The following DCAF17 variants were observed in gnomAD, a reference collection of about 807,000 sequenced individuals.
DCAF17 encodes the protein DDB1- and CUL4-associated factor 17.
DCAF17 carries 48 observed loss-of-function variants against 66.0 expected under a neutral mutation model. The observed-to-expected ratio is 0.73, with a 90% CI of 0.58 to 0.92. The LOEUF is 0.92. Ranked by LOEUF, DCAF17 falls within the 40% of genes least tolerant of loss-of-function variation. The probability of loss-of-function intolerance (pLI) is 0.00; values close to 1 mark genes in which losing one functional copy is unlikely to be tolerated. For missense variants in DCAF17, 562 were observed against 622.8 expected (o/e 0.90, Z 1.04); for synonymous variants, 206 against 214.6 (o/e 0.96, Z 0.35).
intron 9 of DCAF17, 36 bp downstream of exon 9, chr2:171,469,066 G>T (rs1184240094): frequency 1.9e-6 from 3 of 1,611,422 alleles, no homozygotes; most frequent in Non-Finnish European, 2.5e-6. Flanking sequence ...TAGCAAATTT[G>T]TATCAAGTTC....
In DCAF17 at chr2:171,456,297, G is replaced by A. The variant is rs763251767; in HGVS notation, c.628-1674G>A. Among the ~76,000 whole-genome samples, 5 of 152,056 alleles carry A rather than the reference G, an allele frequency of 3.3e-5. No homozygotes were observed. The South Asian group carries it at 6.2e-4, about 19-fold the overall frequency. ...ATTGCTTGTTTTTGTCAAGTTTGTCGAAGATCAGATAGTTACAGGTGTGCA... is the reference window on the plus strand; with the variant it reads ...ATTGCTTGTTTTTGTCAAGTTTGTCAAAGATCAGATAGTTACAGGTGTGCA... On this transcript the variant is annotated intron_variant, in intron 6 of 13. Transcript: ENST00000375255.
In DCAF17 at chr2:171,483,924, G is replaced by A. The variant is rs774736126; in HGVS notation, c.*2810G>A. The A allele has an allele frequency of 8.8e-6, 4 of 453,974 alleles. No homozygotes were observed. The highest frequency in any genetic ancestry group is 2.4e-5 in the Admixed American group (1 of 42,544). 28.1% of individuals were successfully genotyped at this position (453,974 alleles called of 1,614,324 possible). ...TCCTCCAAAGTTCTCAAAAGGCAAG[G>A]CATGTTATTTTATCCCAATTTAGCA... is the stretch of plus-strand genomic sequence containing the variant. On this transcript the variant is annotated 3_prime_UTR_variant, in exon 14 of 14. Transcript: ENST00000375255.
chr2:171,457,633 G>C (rs1559273380), intron 6 of DCAF17, among the ~76,000 whole-genome samples: 1 of 152,234 alleles, frequency 6.6e-6, no homozygotes, highest in African/African-American at 2.4e-5. Flanking sequence ...TATTCATTTA[G>C]AACGACATGG....
intron 9 of DCAF17, among the ~76,000 whole-genome samples, chr2:171,470,810 CA>C (rs1371642948): frequency 1.3e-5 from 2 of 152,118 alleles, no homozygotes; most frequent in African/African-American, 4.8e-5. Flanking sequence ...CAAACACACG[CA>C]CACGTACAGA....
At chr2:171,439,195 G>T (rs939550738) in intron 2 of DCAF17, among the ~76,000 whole-genome samples, 1 of 151,612 alleles carries the variant, frequency 6.6e-6, no homozygotes, top group African/African-American at 2.4e-5. Flanking sequence ...TCCCAGATTT[G>T]GGGCTTGGTA....
intron 8 of DCAF17, among the ~76,000 whole-genome samples, chr2:171,462,414 A>G (rs1329293150): frequency 6.6e-6 from 1 of 152,212 alleles, no homozygotes; most frequent in Non-Finnish European, 1.5e-5. Flanking sequence ...ATCAAAGGAT[A>G]TTGTTTAAAA....
At chr2:171,444,595 A>G (rs960179609) in intron 3 of DCAF17, among the ~76,000 whole-genome samples, 3 of 152,232 alleles carry the variant, frequency 2.0e-5, no homozygotes, top group Admixed American at 1.3e-4. Context: ...CAAATCTGAA[A>G]CACTTCTAGT....
At chr2:171,471,086 G>A (rs1019411751) in intron 9 of DCAF17, among the ~76,000 whole-genome samples, 1 of 152,134 alleles carries the variant, frequency 6.6e-6, no homozygotes, top group African/African-American at 2.4e-5. Context: ...TATCAAGCAT[G>A]CTTGTCACAT....
chr2:171,440,051 T>G (rs1694216580), intron 2 of DCAF17, among the ~76,000 whole-genome samples: 1 of 152,154 alleles, frequency 6.6e-6, no homozygotes, highest in South Asian at 2.1e-4. Flanking sequence ...AGCCCCAAAC[T>G]CCTGCACTCC....
chr2:171,452,563 C>G lies in DCAF17; in HGVS notation c.538-561C>G, dbSNP rs140723880. Among the ~76,000 whole-genome samples, 814 of 152,302 alleles carry G rather than the reference C, an allele frequency of 5.3e-3. 12 individuals carry two copies. The highest frequency in any genetic ancestry group is 0.019 in the African/African-American group (776 of 41,554). On this transcript the variant is annotated intron_variant, in intron 5 of 13. Coordinates refer to ENST00000375255, the MANE Select transcript of DCAF17 (RefSeq NM_025000.4). ...CAAACTCCCGGGCTGAAGTGCTCCT[C>G]TCACGTCACCCTCCTGAGTAGCTGG...
At chr2:171,462,158 AGT>A (rs1310216545) in intron 8 of DCAF17, among the ~76,000 whole-genome samples, 1 of 152,208 alleles carries the variant, frequency 6.6e-6, no homozygotes, top group East Asian at 1.9e-4. Context: ...TTTTTATCTC[AGT>A]GTGGGGAAGA....
intron 3 of DCAF17, 45 bp downstream of exon 3, chr2:171,443,658 C>G (rs1319215682): frequency 6.7e-7 from 1 of 1,484,564 alleles, no homozygotes; most frequent in African/African-American, 1.4e-5. Flanking sequence ...CATTTTTAGC[C>G]TAGAAGAACC....
intron 2 of DCAF17, among the ~76,000 whole-genome samples, chr2:171,436,809 T>A (rs919264200): frequency 6.6e-6 from 1 of 150,866 alleles, no homozygotes; most frequent in Non-Finnish European, 1.5e-5. Context: ...AGTTTTGCTC[T>A]TGTTGCCCAG....
chr2:171,454,840 T>G (rs1369295351), intron 6 of DCAF17, among the ~76,000 whole-genome samples: 1 of 151,458 alleles, frequency 6.6e-6, no homozygotes, highest in Non-Finnish European at 1.5e-5. Context: ...GATATTGCAG[T>G]GAGCCAGGAT....
intron 6 of DCAF17, among the ~76,000 whole-genome samples, chr2:171,455,752 C>T (rs1319653578): frequency 2.0e-5 from 3 of 152,166 alleles, no homozygotes; most frequent in Admixed American, 2.0e-4. Flanking sequence ...ATTTGCATTT[C>T]TCTAATGATC....
chr2:171,437,000 C>T lies in DCAF17; in HGVS notation c.230+1814C>T, dbSNP rs1694012332. Among the ~76,000 whole-genome samples the T allele has an allele frequency of 2.0e-5, 3 of 151,974 alleles. No homozygotes were observed. In the South Asian group the frequency reaches 6.2e-4, roughly 32 times the overall value. ...TGTTGGTCAGGCTGGTCTCGAACGC[C>T]CAGCTTCAGGTGATCCGGCCACCTC... On this transcript the variant is annotated intron_variant, in intron 2 of 13. Transcript: ENST00000375255.
At chr2:171,470,951 C>T (rs59994598) in intron 9 of DCAF17, among the ~76,000 whole-genome samples, 1 of 152,112 alleles carries the variant, frequency 6.6e-6, no homozygotes, top group Non-Finnish European at 1.5e-5. Flanking sequence ...TATGCAAATA[C>T]TGCACCATTT....
intron 9 of DCAF17, 23 bp downstream of exon 9, chr2:171,469,053 T>TA (rs750345667): frequency 6.2e-7 from 1 of 1,613,566 alleles, no homozygotes; most frequent in East Asian, 2.2e-5. Flanking sequence ...TCAGACTTTT[T>TA]ATTAGCAAAT....
At chr2:171,472,871 A>G in intron 9 of DCAF17, 1 of 315,818 alleles carries the variant, frequency 3.2e-6, no homozygotes, top group Non-Finnish European at 6.4e-6. Flanking sequence ...TTTACATTAG[A>G]GAAATTAAAT....
Sources: gnomAD v4.1 joint callset for allele counts (sites outside exome capture counted in the v4.1 genomes callset) on GRCh38, gnomAD v4.1.1 for gene constraint, MANE v1.5 for transcripts, NCBI Gene and HGNC (gene_info 2026-07-23, HGNC 2026-07-21) for gene names.